CEP164: variants seen among roughly 807,000 people sequenced by gnomAD.
CEP164 encodes centrosomal protein of 164 kDa.
A neutral mutation model predicts 182.7 loss-of-function variants in CEP164; 162 were observed. That is an observed-to-expected ratio of 0.89 (90% CI 0.78 to 1.01). The LOEUF (loss-of-function observed/expected upper bound fraction) is 1.01, where lower values mean the gene tolerates loss of function less well. Ranked by LOEUF, CEP164 falls within the 50% of genes least tolerant of loss-of-function variation. The pLI, the probability that CEP164 is intolerant of heterozygous loss-of-function variation, is 0.00. For missense variants in CEP164, 1,735 were observed against 1,790.4 expected, an observed-to-expected ratio of 0.97 and a Z score of 0.56; for synonymous variants, 661 against 690.0, an observed-to-expected ratio of 0.96 and a Z score of 0.66.
intron 7 of CEP164, among the ~76,000 whole-genome samples, chr11:117,362,838 C>G (rs1364601468): frequency 6.6e-6 from 1 of 152,142 alleles, no homozygotes; most frequent in African/African-American, 2.4e-5. Flanking sequence ...TCCCTCCATC[C>G]CTGGAAACCT....
At position 117,397,186 on chromosome 11, in the gene CEP164, G is replaced by A. The variant is rs767918200; in HGVS notation, c.3374G>A (p.Arg1125Gln). ...CTTGTGCAGCAGACACGCTCCATGC[G>A]GAGGCGGCAGACAGCTCTGAAAGCT... ...EFLVQQTRSM[R>Q]RRQTALKAAQ... The change falls in exon 27 of 33, where the codon CGG becomes CAG. Residue 1125 changes from arginine (R) to glutamine (Q), a missense_variant. By Grantham distance (43) the Arg-to-Gln change is conservative. Coordinates refer to ENST00000278935, the MANE Select transcript of CEP164 (RefSeq NM_014956.5). 1.5e-5 allele frequency: 25 copies of A among 1,614,014 alleles called. No individual in the cohort carries two copies. The highest frequency in any genetic ancestry group is 1.1e-4 in the East Asian group (5 of 44,904).
At chr11:117,372,623 G>C (rs1032477444) in intron 9 of CEP164, among the ~76,000 whole-genome samples, 1 of 150,806 alleles carries the variant, frequency 6.6e-6, no homozygotes, top group African/African-American at 2.4e-5. Context: ...CTCCATGTTG[G>C]TCAGGCTGGT....
intron 11 of CEP164, among the ~76,000 whole-genome samples, chr11:117,379,483 G>A (rs1255250788): frequency 2.0e-5 from 3 of 152,322 alleles, no homozygotes; most frequent in African/African-American, 4.8e-5. Flanking sequence ...AAGGAGTGCA[G>A]GTCCTAGGAT....
chr11:117,343,966 T>C (rs547926993), intron 3 of CEP164, among the ~76,000 whole-genome samples, 200 bp from the exon 4 acceptor site: 149 of 152,274 alleles, frequency 9.8e-4, no homozygotes, highest in African/African-American at 3.5e-3. Context: ...TCGGATTATA[T>C]CATTGTGTGG....
At chr11:117,379,322 G>A (rs1302376340) in intron 11 of CEP164, among the ~76,000 whole-genome samples, 1 of 152,230 alleles carries the variant, frequency 6.6e-6, no homozygotes, top group African/African-American at 2.4e-5. Context: ...AGCCACAGCT[G>A]CTGGGGCTTA....
At chr11:117,386,181 G>C (rs925787615) in intron 14 of CEP164, 1 of 152,244 alleles carries the variant, frequency 6.6e-6, no homozygotes, top group Non-Finnish European at 1.5e-5. Context: ...TGTGCGAGGA[G>C]GGTGTGTGGT....
intron 5 of CEP164, chr11:117,355,134 A>G: frequency 7.8e-7 from 1 of 1,289,880 alleles, no homozygotes; most frequent in Non-Finnish European, 1.0e-6. Context: ...AGAAAGCTGC[A>G]GCCACTCTCC....
At position 117,394,872 on chromosome 11, in the gene CEP164, T is replaced by C. The variant is rs967518895; in HGVS notation, c.2761-48T>C. 8.8e-6 allele frequency: 14 copies of C among 1,585,510 alleles called. No individual in the cohort carries two copies. The highest frequency in any genetic ancestry group is 1.3e-5 in the African/African-American group (1 of 74,428). ...CTGGAACCCCCTCCTGCCCCTCAGCTAATGCCTTACACTCTTTCTATGCTT... is the reference window on the plus strand; with the variant it reads ...CTGGAACCCCCTCCTGCCCCTCAGCCAATGCCTTACACTCTTTCTATGCTT... On this transcript the variant is annotated intron_variant, in intron 21 of 32. Transcript: ENST00000278935. This position sits in a 1 kb window ranked among gnomAD's most constrained non-coding sequence, Gnocchi z 4.0.
chr11:117,336,851 C>T (rs948910805), intron 2 of CEP164, among the ~76,000 whole-genome samples: 2 of 151,980 alleles, frequency 1.3e-5, no homozygotes, highest in African/African-American at 2.4e-5. Flanking sequence ...GCCAACTGCT[C>T]TGCAGGTTGG....
intron 12 of CEP164, among the ~76,000 whole-genome samples, chr11:117,381,000 C>G (rs1208299551): frequency 6.6e-6 from 1 of 152,148 alleles, no homozygotes; most frequent in Non-Finnish European, 1.5e-5. Flanking sequence ...ACTCTGGGCA[C>G]CATTGTGGGG....
chr11:117,355,529 A>T (rs542662210), intron 5 of CEP164: 1 of 1,278,148 alleles, frequency 7.8e-7, no homozygotes, highest in African/African-American at 1.5e-5. Context: ...CAAGGGCCAA[A>T]GCCCCATTCC....
chr11:117,399,687 T>C (rs1247405218), intron 27 of CEP164, among the ~76,000 whole-genome samples: 1 of 152,256 alleles, frequency 6.6e-6, no homozygotes, highest in African/African-American at 2.4e-5. Flanking sequence ...CTAACCAATG[T>C]GAGATGGTAT....
intron 27 of CEP164, among the ~76,000 whole-genome samples, chr11:117,398,400 C>T (rs1024598150): frequency 1.1e-4 from 16 of 152,146 alleles, no homozygotes; most frequent in Non-Finnish European, 2.1e-4. Flanking sequence ...ACGGATCTAC[C>T]ATTCTGGGGG....
At chr11:117,340,659 C>T (rs917276641) in intron 3 of CEP164, among the ~76,000 whole-genome samples, 1 of 152,116 alleles carries the variant, frequency 6.6e-6, no homozygotes, top group East Asian at 1.9e-4. Flanking sequence ...GTAGCTAGAA[C>T]TACAGGTGCA....
At chr11:117,396,207 CTGGGG>C in intron 25 of CEP164, 27 bp downstream of exon 25, 4 of 537,578 alleles carry the variant, frequency 7.4e-6, no homozygotes, top group Non-Finnish European at 1.4e-5. Flanking sequence ...GGCCTGGGGG[CTGGGG>C]CACCAGGATG....
chr11:117,348,376 A>C (rs2039223116), intron 4 of CEP164, among the ~76,000 whole-genome samples: 1 of 152,180 alleles, frequency 6.6e-6, no homozygotes, highest in African/African-American at 2.4e-5. Flanking sequence ...AGTTGTTTGT[A>C]GAGTTGAATT....
intron 9 of CEP164, among the ~76,000 whole-genome samples, chr11:117,371,795 C>CTTTTT (rs34338708): frequency 8.7e-5 from 12 of 138,380 alleles, no homozygotes; most frequent in Non-Finnish European, 1.2e-4. Context: ...CCCTCTTGTA[C>CTTTTT]TTTTTTTTTT....
In CEP164 at chr11:117,362,455, A is replaced by G. The variant is rs1339968408; in HGVS notation, c.604A>G (p.Ile202Val). The G allele has an allele frequency of 1.9e-6, 3 of 1,613,700 alleles. No individual in the cohort carries two copies. Among genetic ancestry groups the G allele is most frequent in the African/African-American group, 1.3e-5 (1 of 75,028 alleles). The change falls in exon 7 of 33, where the codon ATA (isoleucine) becomes GTA (valine). Residue 202 changes from isoleucine (I) to valine (V), a missense_variant. Ile to Val is a conservative substitution (Grantham distance 29). Transcript: ENST00000278935. ...TTATACAAAGGGTCTCTTGGGCTCC[A>G]TATATGAGGACAAGACTGCTCTCAG... ...SAYTKGLLGS[I>V]YEDKTALSLL... is the part of the protein sequence containing the mutation.
chr11:117,387,133 A>G (rs2044054439), intron 14 of CEP164, 70 bp from the exon 15 acceptor site: 1 of 1,384,356 alleles, frequency 7.2e-7, no homozygotes, highest in Non-Finnish European at 1.0e-6. Context: ...TTCCGTATCC[A>G]TTCTAACCTG....
Sources: allele counts gnomAD v4.1 joint callset (sites outside exome capture counted in the v4.1 genomes callset), GRCh38; gene constraint gnomAD v4.1.1; non-coding constraint Gnocchi (gnomAD v3.1); transcripts MANE v1.5; gene names NCBI Gene and HGNC (gene_info 2026-07-23, HGNC 2026-07-21).